SLC20A2: variants seen among roughly 807,000 people sequenced by gnomAD.
SLC20A2 encodes the protein solute carrier family 20 member 2.
SLC20A2 carries 30 observed loss-of-function variants against 61.0 expected under a neutral mutation model. That is an observed-to-expected ratio of 0.49 (90% confidence interval 0.37 to 0.67). The LOEUF (loss-of-function observed/expected upper bound fraction) is 0.67. SLC20A2 is among the 30% of genes least tolerant of loss of function. SLC20A2 has a pLI of 0.00. For missense variants in SLC20A2, 626 were observed against 866.4 expected (o/e 0.72, Z 3.48); for synonymous variants, 351 against 353.3 (o/e 0.99, Z 0.07).
At chr8:42,523,973 C>T (rs766508719) in intron 1 of SLC20A2, among the ~76,000 whole-genome samples, 11 of 152,286 alleles carry the variant, frequency 7.2e-5, no homozygotes, top group South Asian at 2.1e-4. Flanking sequence ...AGTTAGAGAT[C>T]GGCCATACAG....
At chr8:42,458,878 C>T (rs905323171) in intron 5 of SLC20A2, among the ~76,000 whole-genome samples, 9 of 151,292 alleles carry the variant, frequency 5.9e-5, no homozygotes, top group Admixed American at 3.3e-4. Context: ...CACTGCACTC[C>T]AGCCTGGGCA....
chr8:42,476,141 G>C (rs943961133), intron 1 of SLC20A2, among the ~76,000 whole-genome samples: 8 of 139,624 alleles, frequency 5.7e-5, no homozygotes, highest in African/African-American at 8.0e-5. Flanking sequence ...CTGTCGCCCA[G>C]GCTGGAGTGC....
intron 5 of SLC20A2, among the ~76,000 whole-genome samples, chr8:42,455,226 A>AG (rs2131126759): frequency 1.1e-5 from 1 of 91,544 alleles, no homozygotes; most frequent in African/African-American, 6.4e-5. Context: ...CTCCGTCTAA[A>AG]AAAAAAAAAA....
intron 1 of SLC20A2, among the ~76,000 whole-genome samples, chr8:42,483,129 T>C (rs1004133401): frequency 1.3e-5 from 2 of 152,128 alleles, no homozygotes; most frequent in Non-Finnish European, 2.9e-5. Flanking sequence ...GTGGATCACT[T>C]GAGGTCAGGA....
In SLC20A2 at chr8:42,521,119, A is replaced by G. The variant is rs889324210; in HGVS notation, c.-265+20702T>C. On this transcript the variant is annotated intron_variant, in intron 1 of 10. Coordinates refer to the SLC20A2 transcript ENST00000342228. ...TCACACTCTTCAGCATTTTTCCCAC[A>G]GAAATGAAAACTTAGGTCCACAGAA... Among the ~76,000 whole-genome samples the G allele has an allele frequency of 2.5e-5, 3 of 122,012 alleles. 1 individual carries two copies. In the Admixed American group the frequency reaches 2.5e-4, roughly 10 times the overall value. The allele number at this position is 122,012 out of a possible 152,430, so 80.0% of individuals were successfully genotyped here. A position where few individuals can be genotyped will look rare whatever the true frequency, so the allele number is the denominator to read the frequency against.
At chr8:42,462,288 G>A (rs994780669) in intron 4 of SLC20A2, among the ~76,000 whole-genome samples, 8 of 152,144 alleles carry the variant, frequency 5.3e-5, no homozygotes, top group East Asian at 1.9e-4. Context: ...GGTGCTCTCC[G>A]AGAGAATGGA....
intron 1 of SLC20A2, among the ~76,000 whole-genome samples, chr8:42,521,826 TCTA>T (rs1811628909): frequency 8.3e-6 from 1 of 120,864 alleles, no homozygotes; most frequent in Non-Finnish European, 2.0e-5. Context: ...GTAACACAAA[TCTA>T]CACGTGATCA....
At chr8:42,444,570 GATCATGGC>G in intron 6 of SLC20A2, 68 bp downstream of exon 6, 1 of 1,086,726 alleles carries the variant, frequency 9.2e-7, no homozygotes, top group Non-Finnish European at 1.4e-6. Flanking sequence ...CATTAGTAAG[GATCATGGC>G]ATGTTACATG....
intron 1 of SLC20A2, among the ~76,000 whole-genome samples, chr8:42,492,616 T>C (rs1170962003): frequency 1.3e-5 from 2 of 152,198 alleles, no homozygotes; most frequent in South Asian, 4.1e-4. Context: ...TAACAAAGGT[T>C]CTAAACCAAA....
At chr8:42,540,995 GA>G (rs1225129154) in intron 1 of SLC20A2, 1 of 152,296 alleles carries the variant, frequency 6.6e-6, no homozygotes, top group African/African-American at 2.4e-5. Flanking sequence ...AGGACGGGGA[GA>G]ATGGAAAGCC....
chr8:42,452,521 TAAA>T (rs1208521615), intron 5 of SLC20A2, among the ~76,000 whole-genome samples: 1 of 107,592 alleles, frequency 9.3e-6, no homozygotes, highest in Non-Finnish European at 1.9e-5. Flanking sequence ...GAGGAAGAGA[TAAA>T]GAGGAGGAGG....
chr8:42,420,201 T>G (rs944488223), intron 10 of SLC20A2, among the ~76,000 whole-genome samples: 1 of 151,420 alleles, frequency 6.6e-6, no homozygotes, highest in Non-Finnish European at 1.5e-5. Context: ...AAAAAAAAAA[T>G]TGTCTCTTCA....
rs201969098 is a variant in SLC20A2, at chr8:42,540,289, C to CA, written c.-265+1531dup. On this transcript the variant is annotated intron_variant, in intron 1 of 10. Transcript: ENST00000342228. ...CCTGAACGAGAGCAAAACCCCGTCT[C>CA]AAAAAAAACAAAACAATAACAATAA... is the stretch of plus-strand genomic sequence containing the variant. Among the ~76,000 whole-genome samples, 686 of 151,462 alleles carry CA rather than the reference C, an allele frequency of 4.5e-3. 7 individuals are homozygous for CA. The highest frequency in any genetic ancestry group is 0.016 in the African/African-American group (642 of 41,276).
At chr8:42,538,946 C>G (rs1563560389) in intron 1 of SLC20A2, among the ~76,000 whole-genome samples, 1 of 152,136 alleles carries the variant, frequency 6.6e-6, no homozygotes, top group Non-Finnish European at 1.5e-5. Context: ...CTTTGGGAGG[C>G]TGAGGAGGGC....
chr8:42,474,321 T>C (rs1343310256), intron 1 of SLC20A2, among the ~76,000 whole-genome samples: 1 of 152,194 alleles, frequency 6.6e-6, no homozygotes, highest in Non-Finnish European at 1.5e-5. Flanking sequence ...ATGAAAATAA[T>C]ATATAATAAA....
At chr8:42,451,821 G>A (rs1281801902) in intron 5 of SLC20A2, among the ~76,000 whole-genome samples, 2 of 139,532 alleles carry the variant, frequency 1.4e-5, no homozygotes, top group South Asian at 2.5e-4. Flanking sequence ...GGAGGAGAAG[G>A]AAGAGATGAG....
intron 1 of SLC20A2, among the ~76,000 whole-genome samples, chr8:42,496,923 C>G (rs538771479): frequency 2.0e-5 from 3 of 152,220 alleles, no homozygotes; most frequent in South Asian, 2.1e-4. Flanking sequence ...ATGGGCTACA[C>G]GCTACCTCTG....
chr8:42,438,085 A>AAAAAAAAAAAAAAAAAC (rs1401813867), intron 7 of SLC20A2, among the ~76,000 whole-genome samples: 1 of 149,242 alleles, frequency 6.7e-6, no homozygotes, highest in Non-Finnish European at 1.5e-5. Flanking sequence ...AAAAAAAAAA[A>AAAAAAAAAAAAAAAAAC]AAAACATGGA....
chr8:42,465,944 C>G, intron 2 of SLC20A2, 27 bp from the exon 3 acceptor site: 1 of 1,602,818 alleles, frequency 6.2e-7, no homozygotes. Flanking sequence ...AAAAAACCAT[C>G]AGATACAGAG....
Sources: gnomAD v4.1 joint callset for allele counts (sites outside exome capture counted in the v4.1 genomes callset) on GRCh38, gnomAD v4.1.1 for gene constraint, MANE v1.5 for transcripts, NCBI Gene and HGNC (gene_info 2026-07-23, HGNC 2026-07-21) for gene names.